Variants in PIK3C3 observed in about 807,000 individuals in gnomAD.
PIK3C3 encodes PI3-kinase type 3.
PIK3C3 carries 95 observed loss-of-function variants against 126.1 expected under a neutral mutation model. That is an observed-to-expected ratio of 0.75 (90% CI 0.64 to 0.89). PIK3C3 has a LOEUF of 0.89. Among genes scored for constraint, PIK3C3 ranks in the 40% least tolerant of loss-of-function variants. The pLI is 0.00. For missense variants in PIK3C3, 829 were observed against 1,063.2 expected, an observed-to-expected ratio of 0.78 and a Z score of 3.06; for synonymous variants, 374 against 360.0, an observed-to-expected ratio of 1.04 and a Z score of -0.44.
At chr18:41,960,736 A>AT (rs1980036943) in intron 2 of PIK3C3, among the ~76,000 whole-genome samples, 1 of 150,136 alleles carries the variant, frequency 6.7e-6, no homozygotes, top group African/African-American at 2.5e-5. Flanking sequence ...CTGAAGGATC[A>AT]TTTTTTCTTT....
chr18:42,035,246 C>T (rs528769655), intron 16 of PIK3C3, among the ~76,000 whole-genome samples: 1 of 152,188 alleles, frequency 6.6e-6, no homozygotes, highest in East Asian at 1.9e-4. Flanking sequence ...TAACAACTGG[C>T]ATTCCTTTGG....
rs539754405 is a variant in PIK3C3 at position 42,057,068 on chromosome 18, C to A, written c.2264-815C>A. On this transcript the variant is annotated intron_variant, in intron 21 of 24. Coordinates refer to ENST00000262039, the MANE Select transcript of PIK3C3 (RefSeq NM_002647.4). ...TTTTAATAGAAATGAACCCCCCCCC[C>A]CGTGTTGACATTTTATGATCTTAAA... Among the ~76,000 whole-genome samples, 6 of 136,712 alleles carry A rather than the reference C, an allele frequency of 4.4e-5. No individual in the cohort carries two copies. In the South Asian group the frequency reaches 1.6e-3, roughly 36 times the overall value. 89.7% of individuals were successfully genotyped at this position (136,712 alleles called of 152,430 possible). A position where few individuals can be genotyped will look rare whatever the true frequency, so the allele number is the denominator to read the frequency against.
At chr18:42,049,250 C>T (rs951898128) in intron 20 of PIK3C3, 1 of 252,588 alleles carries the variant, frequency 4.0e-6, no homozygotes, top group African/African-American at 2.2e-5. Context: ...ATTAGAATTG[C>T]TAGGCCCATG....
At chr18:42,017,408 GAGA>G (rs2144411681) in intron 12 of PIK3C3, among the ~76,000 whole-genome samples, 1 of 152,222 alleles carries the variant, frequency 6.6e-6, no homozygotes, top group African/African-American at 2.4e-5. Context: ...CATGGGTCAT[GAGA>G]AGAAGTTGTA....
intron 9 of PIK3C3, among the ~76,000 whole-genome samples, chr18:42,003,896 C>G (rs1179512738): frequency 6.6e-6 from 1 of 152,158 alleles, no homozygotes; most frequent in Non-Finnish European, 1.5e-5. Flanking sequence ...GGTGGTCATA[C>G]TCTAGGGAGG....
At position 41,978,639 on chromosome 18, in the gene PIK3C3, G is replaced by A. The variant is rs1385988007; in HGVS notation, c.531+8183G>A. The stretch of plus-strand genomic sequence containing the variant: ...CATTAAACGCACATTGAAGAAGTAA[G>A]CCTGTGTTAGACACTGAATTGATTT... On this transcript the variant is annotated intron_variant, in intron 4 of 24. Coordinates refer to ENST00000262039, the MANE Select transcript of PIK3C3 (RefSeq NM_002647.4). Among the ~76,000 whole-genome samples, 4 of 152,236 alleles carry A rather than the reference G, an allele frequency of 2.6e-5. No individual in the cohort carries two copies. In the East Asian group the frequency reaches 5.8e-4, roughly 22 times the overall value.
chr18:42,085,899 A>G lies in PIK3C3; in HGVS notation c.*4762A>G, dbSNP rs2144550827. ...CCAGGAGTTTGAGACCAGCCCGGGC[A>G]ACATGGTGAAACTCCATCTCTTCAA... On this transcript the variant is annotated 3_prime_UTR_variant, in exon 25 of 25. Transcript: ENST00000262039. 6.6e-6 allele frequency: 1 copy of G among 152,144 alleles called. No individual in the cohort carries two copies. Among genetic ancestry groups the G allele is most frequent in the East Asian group, 1.9e-4 (1 of 5,132 alleles). The allele number at this position is 152,144 out of a possible 1,614,324, so 9.4% of individuals were successfully genotyped here. A position where few individuals can be genotyped will look rare whatever the true frequency, so the allele number is the denominator to read the frequency against.
At chr18:41,969,706 T>TA in intron 3 of PIK3C3, among the ~76,000 whole-genome samples, 1 of 152,362 alleles carries the variant, frequency 6.6e-6, no homozygotes, top group African/African-American at 2.4e-5. Flanking sequence ...TATTGAATAC[T>TA]AACTGTATGC....
At chr18:42,043,100 C>CTT (rs879644776) in intron 19 of PIK3C3, among the ~76,000 whole-genome samples, 14 of 142,804 alleles carry the variant, frequency 9.8e-5, no homozygotes, top group Non-Finnish European at 1.1e-4. Context: ...ATAGGATAAA[C>CTT]TTTTTTTTTT....
intron 17 of PIK3C3, among the ~76,000 whole-genome samples, 185 bp downstream of exon 17, chr18:42,038,005 G>T (rs1430146445): frequency 6.6e-6 from 1 of 152,132 alleles, no homozygotes; most frequent in Non-Finnish European, 1.5e-5. Flanking sequence ...TGGTTTTTGT[G>T]TTGAGTATAA....
intron 21 of PIK3C3, among the ~76,000 whole-genome samples, chr18:42,055,186 C>G (rs780761793): frequency 2.6e-5 from 4 of 151,902 alleles, no homozygotes; most frequent in Non-Finnish European, 5.9e-5. Flanking sequence ...CTGTTAGTTC[C>G]CTTGAAAGCT....
chr18:42,080,688 A>G (rs1349597734), intron 24 of PIK3C3, among the ~76,000 whole-genome samples: 1 of 152,106 alleles, frequency 6.6e-6, no homozygotes, highest in Non-Finnish European at 1.5e-5. Context: ...TTTCCAGACC[A>G]TTTCTGGAAT....
intron 19 of PIK3C3, among the ~76,000 whole-genome samples, chr18:42,041,814 A>G (rs1302202526): frequency 2.0e-5 from 3 of 152,168 alleles, no homozygotes; most frequent in Non-Finnish European, 2.9e-5. Flanking sequence ...GGGTACAGTC[A>G]TGTGCAGTGG....
At chr18:41,970,511 A>G (rs1175064923) in intron 4 of PIK3C3, 55 bp downstream of exon 4, 2 of 1,486,010 alleles carry the variant, frequency 1.3e-6, no homozygotes, top group Non-Finnish European at 1.9e-6. Context: ...CTATTGTAGT[A>G]TATATACCTT....
Position 42,054,126 on chromosome 18 carries a change from GTATATATATATATA to G in PIK3C3, c.2264-3704_2264-3691del, listed in dbSNP as rs60224978. Among the ~76,000 whole-genome samples the G allele has an allele frequency of 8.0e-4, 56 of 69,642 alleles. 2 individuals are homozygous for G. The highest frequency in any genetic ancestry group is 3.2e-3 in the Admixed American group (17 of 5,238). 45.7% of individuals were successfully genotyped at this position (69,642 alleles called of 152,430 possible). On this transcript the variant is annotated intron_variant, in intron 21 of 24. Coordinates refer to ENST00000262039, the MANE Select transcript of PIK3C3 (RefSeq NM_002647.4). Reference sequence around the variant, plus strand: ...GTTCTCTAGAGGGACAGAACTAATGGTATATATATATATATATATATATATATATATATATATAT... The same window carrying G: ...GTTCTCTAGAGGGACAGAACTAATGGTATATATATATATATATATATATAT...
At chr18:41,994,753 T>C (rs1337564806) in intron 7 of PIK3C3, among the ~76,000 whole-genome samples, 1 of 152,048 alleles carries the variant, frequency 6.6e-6, no homozygotes, top group Non-Finnish European at 1.5e-5. Flanking sequence ...GAAATGAAAC[T>C]AGGCCAAACA....
intron 11 of PIK3C3, among the ~76,000 whole-genome samples, chr18:42,015,189 T>G (rs1983014782): frequency 6.6e-6 from 1 of 151,662 alleles, no homozygotes; most frequent in Non-Finnish European, 1.5e-5. Flanking sequence ...AATGCTAGTT[T>G]AAAGCTAAAT....
chr18:41,985,264 T>A (rs1479124810), intron 4 of PIK3C3, among the ~76,000 whole-genome samples: 1 of 152,176 alleles, frequency 6.6e-6, no homozygotes, highest in Non-Finnish European at 1.5e-5. Context: ...AAAATGAATG[T>A]CGTTTTAGGC....
At chr18:41,957,428 A>G (rs1979837316) in intron 1 of PIK3C3, 142 bp from the exon 2 acceptor site, 1 of 670,582 alleles carries the variant, frequency 1.5e-6, no homozygotes, top group Admixed American at 3.8e-5. Flanking sequence ...TAGGTAGCAT[A>G]CCTTAACACA....
Sources: gnomAD v4.1 joint callset for allele counts (sites outside exome capture counted in the v4.1 genomes callset) on GRCh38, gnomAD v4.1.1 for gene constraint, MANE v1.5 for transcripts, NCBI Gene and HGNC (gene_info 2026-07-23, HGNC 2026-07-21) for gene names.